The following LRRC37A2 variants were observed in gnomAD, a reference collection of about 807,000 sequenced individuals.
LRRC37A2 encodes the protein leucine-rich repeat-containing protein 37A2.
Under a neutral mutation model 68.8 loss-of-function variants are expected in LRRC37A2, and 9 were observed. That is an observed-to-expected ratio of 0.13 (90% CI 0.08 to 0.23). The LOEUF is 0.23. Ranked by LOEUF, LRRC37A2 falls within the 10% of genes least tolerant of loss-of-function variation. The probability of loss-of-function intolerance (pLI) is 1.00; values close to 1 mark genes in which losing one functional copy is unlikely to be tolerated. For synonymous variants in LRRC37A2, 63 were observed against 367.6 expected (o/e 0.17, Z 9.48); for missense variants, 168 against 950.4 (o/e 0.18, Z 10.82).
chr17:46,751,516 T>G, the LRRC37A2 span: 1 of 1,613,986 alleles, frequency 6.2e-7, no homozygotes, highest in Non-Finnish European at 8.5e-7. Flanking sequence ...TTGGGCAACT[T>G]CAAGGATAAG....
At chr17:46,773,374 A>G in the LRRC37A2 span, among the ~76,000 whole-genome samples, 1 of 152,062 alleles carries the variant, frequency 6.6e-6, no homozygotes, top group Non-Finnish European at 1.5e-5. Flanking sequence ...GCATTGGGGA[A>G]ATGTCACAAA....
the LRRC37A2 span, among the ~76,000 whole-genome samples, chr17:46,739,655 A>T: frequency 6.6e-6 from 1 of 151,742 alleles, no homozygotes; most frequent in Non-Finnish European, 1.5e-5. Flanking sequence ...AAAAAAATAA[A>T]TTTTCCACCT....
At chr17:46,781,087 G>T in the LRRC37A2 span, among the ~76,000 whole-genome samples, 1 of 152,028 alleles carries the variant, frequency 6.6e-6, no homozygotes, top group East Asian at 1.9e-4. Context: ...AATTAGCCGG[G>T]CCTGGTGGTG....
chr17:46,690,628 T>C, the LRRC37A2 span, among the ~76,000 whole-genome samples: 1 of 96,590 alleles, frequency 1.0e-5, no homozygotes, highest in Non-Finnish European at 2.3e-5. Context: ...AAAAAAAATA[T>C]ATATATATAT....
chr17:46,859,092 T>C, the LRRC37A2 span, among the ~76,000 whole-genome samples: 1 of 151,438 alleles, frequency 6.6e-6, no homozygotes, highest in Non-Finnish European at 1.5e-5. Flanking sequence ...TTCTTCTGAC[T>C]CAGCCTCCTG....
chr17:46,875,977 C>T, the LRRC37A2 span, among the ~76,000 whole-genome samples: 5 of 151,788 alleles, frequency 3.3e-5, no homozygotes, highest in Non-Finnish European at 4.4e-5. Context: ...TGGTGTGAAC[C>T]GGGGCTGCTG....
the LRRC37A2 span, among the ~76,000 whole-genome samples, chr17:46,960,183 CTT>C: frequency 6.6e-6 from 1 of 152,170 alleles, no homozygotes; most frequent in Admixed American, 6.6e-5. Context: ...AGCAACCCAA[CTT>C]TTAAAAAGCA....
chr17:46,944,253 G>A, the LRRC37A2 span, among the ~76,000 whole-genome samples: 5 of 152,352 alleles, frequency 3.3e-5, no homozygotes, highest in South Asian at 4.1e-4. Context: ...GCAGCCCTCC[G>A]CAGTTTGCAC....
At chr17:46,725,702 G>A in the LRRC37A2 span, among the ~76,000 whole-genome samples, 1 of 152,204 alleles carries the variant, frequency 6.6e-6, no homozygotes, top group South Asian at 2.1e-4. Context: ...ATGTTGGTGC[G>A]GGTGGGGATC....
the LRRC37A2 span, among the ~76,000 whole-genome samples, chr17:46,760,465 TAA>T: frequency 7.0e-6 from 1 of 142,020 alleles, no homozygotes. Context: ...ACCTCATCTC[TAA>T]AAAAAAAAAA....
chr17:46,868,168 C>T, the LRRC37A2 span, among the ~76,000 whole-genome samples: 1 of 152,158 alleles, frequency 6.6e-6, no homozygotes, highest in Non-Finnish European at 1.5e-5. Flanking sequence ...CAGGCAGTAG[C>T]CCCCAGCCCA....
At chr17:46,909,320 T>C in the LRRC37A2 span, among the ~76,000 whole-genome samples, 1 of 152,228 alleles carries the variant, frequency 6.6e-6, no homozygotes. Context: ...AGTGAGCCGC[T>C]GTGCCTGGGA....
the LRRC37A2 span, among the ~76,000 whole-genome samples, chr17:46,583,276 G>T: frequency 7.9e-3 from 593 of 74,986 alleles, 151 homozygotes; most frequent in South Asian, 7.7e-3. Flanking sequence ...AAGGATTTAA[G>T]ATTTTATTTA....
the LRRC37A2 span, among the ~76,000 whole-genome samples, chr17:46,747,802 G>C: frequency 6.6e-6 from 1 of 152,118 alleles, no homozygotes; most frequent in African/African-American, 2.4e-5. Context: ...CCAACTAAGA[G>C]GTTCCCAGTG....
the LRRC37A2 span, chr17:46,872,729 G>T: frequency 2.5e-6 from 4 of 1,612,482 alleles, no homozygotes; most frequent in African/African-American, 2.7e-5. Flanking sequence ...CGGCATGAGC[G>T]CTGGAACTGT....
At chr17:46,900,186 T>C in the LRRC37A2 span, among the ~76,000 whole-genome samples, 5 of 122,700 alleles carry the variant, frequency 4.1e-5, no homozygotes, top group African/African-American at 1.2e-4. Flanking sequence ...TATATATATA[T>C]ATATATATAT....
the LRRC37A2 span, among the ~76,000 whole-genome samples, chr17:46,605,995 C>CAAAAAAAAAAA: frequency 9.8e-5 from 5 of 51,052 alleles, no homozygotes; most frequent in African/African-American, 2.1e-4. Context: ...ACTAAAAATA[C>CAAAAAAAAAAA]AAAAAAAAAA....
At chr17:46,788,961 A>G in the LRRC37A2 span, among the ~76,000 whole-genome samples, 7 of 152,216 alleles carry the variant, frequency 4.6e-5, no homozygotes, top group African/African-American at 1.4e-4. Context: ...GAAGCAGCCC[A>G]GTGGGGAACA....
chr17:46,631,082 A>ACACACACACACACACACG, the LRRC37A2 span, among the ~76,000 whole-genome samples: 79 of 142,022 alleles, frequency 5.6e-4, no homozygotes, highest in East Asian at 2.0e-3. Flanking sequence ...ACACACACAC[A>ACACACACACACACACACG]CACACACACA....
Sources: gnomAD v4.1 joint callset for allele counts (sites outside exome capture counted in the v4.1 genomes callset) on GRCh38, gnomAD v4.1.1 for gene constraint, MANE v1.5 for transcripts, NCBI Gene and HGNC (gene_info 2026-07-23, HGNC 2026-07-21) for gene names.